Variants in ARHGEF7 observed in about 807,000 individuals in gnomAD.
ARHGEF7 encodes PAK-interacting exchange factor beta.
A neutral mutation model predicts 109.8 loss-of-function variants in ARHGEF7; 33 were observed. That is an observed-to-expected ratio of 0.30 (90% CI 0.23 to 0.40). The LOEUF is 0.40. Among genes scored for constraint, ARHGEF7 ranks in the 10% least tolerant of loss-of-function variants. The pLI is 1.00. For synonymous variants in ARHGEF7, 458 were observed against 424.6 expected (o/e 1.08, Z -0.97); for missense variants, 938 against 1,098.5 (o/e 0.85, Z 2.07).
At chr13:111,235,064 C>G (rs560638224) in intron 6 of ARHGEF7, among the ~76,000 whole-genome samples, 1 of 152,224 alleles carries the variant, frequency 6.6e-6, no homozygotes. Flanking sequence ...GCCCTTTCCT[C>G]TTGCATTCTT....
chr13:111,262,638 C>T (rs2091227054), intron 8 of ARHGEF7, among the ~76,000 whole-genome samples: 1 of 152,156 alleles, frequency 6.6e-6, no homozygotes, highest in South Asian at 2.1e-4. Flanking sequence ...GTCTAGTTAG[C>T]AGTATCACTA....
At chr13:111,260,901 G>A (rs1415902935) in intron 8 of ARHGEF7, among the ~76,000 whole-genome samples, 1 of 152,130 alleles carries the variant, frequency 6.6e-6, no homozygotes, top group South Asian at 2.1e-4. Flanking sequence ...TTGTTACATT[G>A]TTTACACAAT....
In ARHGEF7 at chr13:111,266,672, C is replaced by T. The variant is rs773644043; in HGVS notation, c.951-876C>T. Among the ~76,000 whole-genome samples the T allele has an allele frequency of 6.6e-6, 1 of 152,050 alleles. No individual in the cohort carries two copies. Among genetic ancestry groups the T allele is most frequent in the Non-Finnish European group, 1.5e-5 (1 of 68,020 alleles). On this transcript the variant is annotated intron_variant, in intron 8 of 21. Transcript: ENST00000646102. This position sits in a 1 kb window ranked among gnomAD's most constrained non-coding sequence, Gnocchi z 4.8. ...TTGACTCTTGTTTTCTGTAGGAATCCCTGGTGTTCATGTTTTTGGTCACTT... is the reference window on the plus strand; with the variant it reads ...TTGACTCTTGTTTTCTGTAGGAATCTCTGGTGTTCATGTTTTTGGTCACTT...
At chr13:111,149,521 G>A (rs1457188415) in intron 1 of ARHGEF7, among the ~76,000 whole-genome samples, 2 of 152,228 alleles carry the variant, frequency 1.3e-5, no homozygotes, top group Non-Finnish European at 2.9e-5. Context: ...CTGCTCTGAG[G>A]AGAAATATAG....
chr13:111,245,791 CT>C (rs1376219335), intron 8 of ARHGEF7, among the ~76,000 whole-genome samples: 1 of 152,204 alleles, frequency 6.6e-6, no homozygotes, highest in Non-Finnish European at 1.5e-5. Flanking sequence ...TCAAATTTGC[CT>C]TTTGTCTAAC....
chr13:111,253,466 A>T (rs1043776488), intron 8 of ARHGEF7, among the ~76,000 whole-genome samples: 1 of 152,166 alleles, frequency 6.6e-6, no homozygotes, highest in African/African-American at 2.4e-5. Flanking sequence ...TTTTATTCTT[A>T]CTTATTTTGA....
intron 2 of ARHGEF7, among the ~76,000 whole-genome samples, chr13:111,194,784 G>A (rs1288167003): frequency 6.6e-6 from 1 of 152,236 alleles, no homozygotes; most frequent in Admixed American, 6.5e-5. Flanking sequence ...GGCCAAGACT[G>A]TCCATGTAAG....
rs956445970 is a variant in ARHGEF7, at chr13:111,239,395, G to A, written c.760-4477G>A. ...GCCTTTCCTGTGCTCCAGAGAAGCCGCACACCTGTCTTTTCCTCCCTGCTC... is the reference window on the plus strand; with the variant it reads ...GCCTTTCCTGTGCTCCAGAGAAGCCACACACCTGTCTTTTCCTCCCTGCTC... On this transcript the variant is annotated intron_variant, in intron 6 of 21. Transcript: ENST00000646102. This position sits in a 1 kb window ranked among gnomAD's most constrained non-coding sequence, Gnocchi z 4.3. Among the ~76,000 whole-genome samples the A allele has an allele frequency of 1.1e-4, 16 of 152,246 alleles. No individual in the cohort carries two copies. The highest frequency in any genetic ancestry group is 1.9e-4 in the African/African-American group (8 of 41,540).
chr13:111,156,930 G>A (rs1355862143), intron 2 of ARHGEF7, among the ~76,000 whole-genome samples: 1 of 152,182 alleles, frequency 6.6e-6, no homozygotes. Flanking sequence ...GTTTGTAACA[G>A]ATTGTTTTTG....
At chr13:111,253,770 C>G (rs943371799) in intron 8 of ARHGEF7, among the ~76,000 whole-genome samples, 3 of 152,146 alleles carry the variant, frequency 2.0e-5, no homozygotes, top group Admixed American at 6.5e-5. Context: ...TGGGTGCTTT[C>G]CCCACCCCGG....
At position 111,280,270 on chromosome 13, in the gene ARHGEF7, A is replaced by G. The variant is rs777199908; in HGVS notation, c.1507-2A>G. ...TTTTTTGTGGGGGGGGGTCTTTTTTAGGGAAAGCTTCCAACGACAGGAATG... is the reference window on the plus strand; with the variant it reads ...TTTTTTGTGGGGGGGGGTCTTTTTTGGGGAAAGCTTCCAACGACAGGAATG... On this transcript the variant is annotated splice_acceptor_variant, in intron 13 of 21. Coordinates refer to ENST00000646102, the MANE Select transcript of ARHGEF7 (RefSeq NM_001354046.2). LOFTEE classifies it high-confidence loss of function. 6.3e-7 allele frequency: 1 copy of G among 1,595,174 alleles called. No homozygotes were observed. The highest frequency in any genetic ancestry group is 8.5e-7 in the Non-Finnish European group (1 of 1,171,886).
intron 8 of ARHGEF7, among the ~76,000 whole-genome samples, chr13:111,262,412 GCA>G (rs1491077726): frequency 3.3e-5 from 5 of 151,870 alleles, no homozygotes; most frequent in Non-Finnish European, 7.4e-5. Context: ...GTGTGTGTGT[GCA>G]TGTGTGTGTG....
chr13:111,153,744 C>G, intron 1 of ARHGEF7, 161 bp from the exon 2 acceptor site: 1 of 1,339,606 alleles, frequency 7.5e-7, no homozygotes, highest in Non-Finnish European at 9.5e-7. Flanking sequence ...AGCGGCTGAG[C>G]GGGTTGGCAT....
intron 1 of ARHGEF7, among the ~76,000 whole-genome samples, chr13:111,142,992 C>G (rs2075419083): frequency 6.6e-6 from 1 of 152,228 alleles, no homozygotes; most frequent in Non-Finnish European, 1.5e-5. Flanking sequence ...AGCTCCCACT[C>G]TTGCCCCCTG....
intron 7 of ARHGEF7, 100 bp from the exon 8 acceptor site, chr13:111,244,099 T>C: frequency 1.7e-6 from 2 of 1,200,108 alleles, no homozygotes; most frequent in African/African-American, 3.1e-5. Context: ...ACATCAGCTG[T>C]TTATTAGGTT....
intron 1 of ARHGEF7, among the ~76,000 whole-genome samples, chr13:111,133,263 T>C (rs571026624): frequency 6.6e-6 from 1 of 152,140 alleles, no homozygotes; most frequent in East Asian, 1.9e-4. Context: ...ATACATACAG[T>C]ATATACACAC....
chr13:111,174,564 C>T (rs1010775844), intron 2 of ARHGEF7, among the ~76,000 whole-genome samples: 1 of 152,202 alleles, frequency 6.6e-6, no homozygotes, highest in Non-Finnish European at 1.5e-5. Context: ...CTGGGAAATG[C>T]CATGCATTAT....
At chr13:111,134,484 TC>T (rs1318184310) in intron 1 of ARHGEF7, among the ~76,000 whole-genome samples, 1 of 152,238 alleles carries the variant, frequency 6.6e-6, no homozygotes, top group Non-Finnish European at 1.5e-5. Flanking sequence ...TGATTGCCAT[TC>T]TAATTAGTGT....
intron 2 of ARHGEF7, among the ~76,000 whole-genome samples, chr13:111,155,418 GAA>G (rs1282958458): frequency 6.6e-6 from 1 of 152,170 alleles, no homozygotes; most frequent in Non-Finnish European, 1.5e-5. Flanking sequence ...TAAACACAAA[GAA>G]ATTTATTGTT....
Sources: gnomAD v4.1 joint callset for allele counts (sites outside exome capture counted in the v4.1 genomes callset) on GRCh38, gnomAD v4.1.1 for gene constraint, Gnocchi (gnomAD v3.1) non-coding constraint, MANE v1.5 for transcripts, NCBI Gene and HGNC (gene_info 2026-07-23, HGNC 2026-07-21) for gene names.